The following ELFN1 variants were observed in gnomAD, a reference collection of about 807,000 sequenced individuals.
ELFN1 encodes the protein extracellular leucine rich repeat and fibronectin type III domain containing 1.
Under a neutral mutation model 7.6 loss-of-function variants are expected in ELFN1, and 6 were observed. The observed-to-expected ratio is 0.79, with a 90% confidence interval of 0.43 to 1.56. The LOEUF is 1.56. ELFN1 is among the 40% of genes most tolerant of loss of function. ELFN1 has a pLI of 0.01. For missense variants in ELFN1, 1,169 were observed against 1,232.2 expected, an observed-to-expected ratio of 0.95 and a Z score of 0.77; for synonymous variants, 657 against 588.1, an observed-to-expected ratio of 1.12 and a Z score of -1.70.
chr7:1,667,971 G>C (rs558103775), upstream of ELFN1, among the ~76,000 whole-genome samples: 153 of 141,512 alleles, frequency 1.1e-3, 2 homozygotes, highest in Admixed American at 3.8e-3. The surrounding 1 kb of genome is among the most constrained non-coding windows in gnomAD (Gnocchi z 8.2). Context: ...GGGGTGGGGG[G>C]GGGGGGCGGC....
Position 1,745,810 on chromosome 7 carries a change from C to A in ELFN1, c.1214C>A (p.Pro405Gln), listed in dbSNP as rs776586914. The A allele has an allele frequency of 3.8e-6, 6 of 1,563,850 alleles. No individual in the cohort carries two copies. Among genetic ancestry groups the A allele is most frequent in the East Asian group, 2.4e-5 (1 of 41,600 alleles). Residue 405 changes from proline to glutamine, a missense_variant, in exon 4 of 4, where the codon CCG becomes CAG. By Grantham distance (76) the Pro-to-Gln change is moderately conservative. Coordinates refer to ENST00000424383, the MANE Select transcript of ELFN1 (RefSeq NM_001128636.4). The part of the protein sequence containing the change: ...LTICLPRLPS[P>Q]PGPVPSPSTA... ...ATCTGCTTGCCCCGGCTGCCCAGCC[C>A]GCCTGGTCCGGTGCCCAGCCCCTCC...
chr7:1,681,769 G>A (rs747755314), intron 1 of ELFN1, among the ~76,000 whole-genome samples: 6 of 152,156 alleles, frequency 3.9e-5, no homozygotes, highest in Admixed American at 6.5e-5. Flanking sequence ...TGCTATTGTC[G>A]GTCTTTTTAT....
At chr7:1,697,601 CG>C (rs765004126) in intron 2 of ELFN1, among the ~76,000 whole-genome samples, 5 of 152,108 alleles carry the variant, frequency 3.3e-5, no homozygotes, top group Non-Finnish European at 5.9e-5. Flanking sequence ...TTGGGAAAAT[CG>C]GTATTTGCCA....
upstream of ELFN1, among the ~76,000 whole-genome samples, chr7:1,667,319 C>G (rs376400165): frequency 3.9e-5 from 6 of 152,148 alleles, no homozygotes; most frequent in East Asian, 7.8e-4. This position sits in a 1 kb window ranked among gnomAD's most constrained non-coding sequence, Gnocchi z 8.2. Flanking sequence ...TCCCAACCCA[C>G]GGCGAGCGCA....
intron 1 of ELFN1, among the ~76,000 whole-genome samples, chr7:1,675,680 C>A (rs186232686): frequency 3.2e-4 from 48 of 152,344 alleles, no homozygotes; most frequent in African/African-American, 9.4e-4. Context: ...GACCCTCGGC[C>A]GGTGCGCAGG....
chr7:1,706,514 C>T (rs1457188816), intron 2 of ELFN1, among the ~76,000 whole-genome samples: 1 of 152,242 alleles, frequency 6.6e-6, no homozygotes, highest in Non-Finnish European at 1.5e-5. Context: ...GCACTGCTGC[C>T]ACCCACACCA....
rs1223628744 is a variant in ELFN1, at chr7:1,723,763, G to A, written c.-294+14511G>A. Among the ~76,000 whole-genome samples, 3 of 152,208 alleles carry A rather than the reference G, an allele frequency of 2.0e-5. No individual in the cohort carries two copies. The East Asian group carries it at 5.8e-4, about 29-fold the overall frequency. On this transcript the variant is annotated intron_variant, in intron 3 of 3. Coordinates refer to ENST00000424383, the MANE Select transcript of ELFN1 (RefSeq NM_001128636.4). ...GGGTCCTGCTGTCATTGTCAGGCAT[G>A]GAGAAGTCTCTGGGAGGATGAGGAG...
chr7:1,685,613 A>G (rs182580835), intron 1 of ELFN1, among the ~76,000 whole-genome samples: 2 of 151,978 alleles, frequency 1.3e-5, no homozygotes, highest in Admixed American at 1.3e-4. Flanking sequence ...TCATTTCCGC[A>G]GTCATACTTT....
At chr7:1,670,264 G>T (rs1037093363), upstream of ELFN1, among the ~76,000 whole-genome samples, 1 of 151,898 alleles carries the variant, frequency 6.6e-6, no homozygotes, top group Non-Finnish European at 1.5e-5. This position sits in a 1 kb window ranked among gnomAD's most constrained non-coding sequence, Gnocchi z 6.4. Flanking sequence ...GGGCGAAGCT[G>T]GGGAGGAATT....
chr7:1,693,163 G>C (rs1779209770), intron 2 of ELFN1: 3 of 362,254 alleles, frequency 8.3e-6, no homozygotes, highest in Non-Finnish European at 1.1e-5. Flanking sequence ...CTAGTGACCA[G>C]ATGCTGGGTT....
At chr7:1,704,515 C>A (rs1007067584) in intron 2 of ELFN1, among the ~76,000 whole-genome samples, 1 of 152,192 alleles carries the variant, frequency 6.6e-6, no homozygotes, top group African/African-American at 2.4e-5. Context: ...CATGGTGATA[C>A]ACACAAAGCC....
At chr7:1,676,949 T>C (rs910124805) in intron 1 of ELFN1, among the ~76,000 whole-genome samples, 2 of 152,110 alleles carry the variant, frequency 1.3e-5, no homozygotes, top group African/African-American at 4.8e-5. Flanking sequence ...AAAGGGTTTT[T>C]AAGGGCACAC....
chr7:1,711,248 T>C (rs913774194), intron 3 of ELFN1, among the ~76,000 whole-genome samples: 2 of 152,198 alleles, frequency 1.3e-5, no homozygotes, highest in Non-Finnish European at 2.9e-5. Context: ...ATGTCCTCCC[T>C]GTGTGCAGAC....
chr7:1,702,634 T>A (rs1217572077), intron 2 of ELFN1, among the ~76,000 whole-genome samples: 1 of 151,290 alleles, frequency 6.6e-6, no homozygotes, highest in Non-Finnish European at 1.5e-5. Flanking sequence ...ATATTCATTT[T>A]CTATTCATTA....
At position 1,745,979 on chromosome 7, in the gene ELFN1, C is replaced by T. The variant is rs1186949252; in HGVS notation, c.1383C>T (p.Ser461=). 2.6e-6 allele frequency: 4 copies of T among 1,544,650 alleles called. No homozygotes were observed. The African/African-American group carries it at 4.1e-5, about 16-fold the overall frequency. Residue 461 remains serine (S), a synonymous_variant, in exon 4 of 4, where the codon AGC becomes AGT. Coordinates refer to ENST00000424383, the MANE Select transcript of ELFN1 (RefSeq NM_001128636.4). ...KKAASAAAAG[S]LKKTIIELKY... The stretch of plus-strand genomic sequence containing the variant: ...CCGCCTCGGCAGCCGCAGCTGGCAG[C>T]CTCAAGAAGACCATCATCGAGCTCA...
At chr7:1,723,287 C>T (rs969698237) in intron 3 of ELFN1, among the ~76,000 whole-genome samples, 2 of 152,294 alleles carry the variant, frequency 1.3e-5, no homozygotes, top group Admixed American at 6.5e-5. Flanking sequence ...AGTGGATTTG[C>T]GGTGTTGTGC....
chr7:1,716,150 G>A (rs916112340), intron 3 of ELFN1, among the ~76,000 whole-genome samples: 7 of 152,312 alleles, frequency 4.6e-5, no homozygotes, highest in Admixed American at 2.0e-4. Flanking sequence ...CCTCTTCCAC[G>A]TGTTCCCATC....
Position 1,716,899 on chromosome 7 carries a change from C to T in ELFN1, c.-294+7647C>T, listed in dbSNP as rs1779850727. Among the ~76,000 whole-genome samples the T allele has an allele frequency of 1.3e-5, 2 of 152,056 alleles. 1 individual carries two copies. Among genetic ancestry groups the T allele is most frequent in the South Asian group, 4.1e-4 (2 of 4,832 alleles). On this transcript the variant is annotated intron_variant, in intron 3 of 3. Transcript: ENST00000424383. ...GGGAGAAGAGGAGGATCTGCAGGGG[C>T]CAGGGCGCAGGCAGCCGGCATGGGG... is the stretch of plus-strand genomic sequence containing the variant.
Position 1,746,545 on chromosome 7 carries a change from G to C in ELFN1, c.1949G>C (p.Arg650Pro). 7.2e-7 allele frequency: 1 copy of C among 1,381,920 alleles called. No individual in the cohort carries two copies. The highest frequency in any genetic ancestry group is 9.3e-7 in the Non-Finnish European group (1 of 1,076,008). 85.6% of individuals were successfully genotyped at this position (1,381,920 alleles called of 1,614,324 possible). Residue 650 changes from arginine (R) to proline (P), a missense_variant, in exon 4 of 4, where the codon CGC becomes CCC. Arg to Pro is a moderately radical substitution (Grantham distance 103). Transcript: ENST00000424383. ...TSSSGSVRSP[R>P]AFRAEAVGVH... ...TCCAGCGGCTCCGTGCGCAGCCCCC[G>C]CGCCTTCCGAGCCGAGGCCGTCGGG...
Sources: gnomAD v4.1 joint callset for allele counts (sites outside exome capture counted in the v4.1 genomes callset) on GRCh38, gnomAD v4.1.1 for gene constraint, Gnocchi (gnomAD v3.1) non-coding constraint, MANE v1.5 for transcripts, NCBI Gene and HGNC (gene_info 2026-07-23, HGNC 2026-07-21) for gene names.